The following KIDINS220 variants were observed in gnomAD, a reference collection of about 807,000 sequenced individuals.
KIDINS220 encodes the protein kinase D interacting substrate 220, also known as kinase D-interacting substrate of 220 kDa.
KIDINS220 carries 63 observed loss-of-function variants against 157.6 expected under a neutral mutation model. The observed-to-expected ratio is 0.40, with a 90% confidence interval of 0.33 to 0.49. The LOEUF (loss-of-function observed/expected upper bound fraction) is 0.49, where lower values mean the gene tolerates loss of function less well. Ranked by LOEUF, KIDINS220 falls within the 20% of genes least tolerant of loss-of-function variation. KIDINS220 has a pLI of 0.66. For missense variants in KIDINS220, 1,772 were observed against 2,171.2 expected, an observed-to-expected ratio of 0.82 and a Z score of 3.65; for synonymous variants, 732 against 783.6, an observed-to-expected ratio of 0.93 and a Z score of 1.10.
intron 22 of KIDINS220, 72 bp downstream of exon 22, chr2:8,770,598 T>G (rs1054908422): frequency 1.2e-6 from 1 of 826,178 alleles, no homozygotes; most frequent in East Asian, 2.5e-5. Context: ...ATTGTCTGCT[T>G]TATACGCGTT....
intron 22 of KIDINS220, among the ~76,000 whole-genome samples, chr2:8,763,079 A>T (rs1668990936): frequency 6.6e-6 from 1 of 152,216 alleles, no homozygotes. Context: ...TATTCTAAAT[A>T]CTCATAGATA....
At chr2:8,807,651 T>C (rs2148350948) in intron 6 of KIDINS220, among the ~76,000 whole-genome samples, 1 of 152,286 alleles carries the variant, frequency 6.6e-6, no homozygotes, top group South Asian at 2.1e-4. Context: ...AACCACACTG[T>C]TGAGGGCTGG....
intron 2 of KIDINS220, among the ~76,000 whole-genome samples, chr2:8,821,879 T>G (rs539057181): frequency 6.6e-6 from 1 of 152,206 alleles, no homozygotes; most frequent in Non-Finnish European, 1.5e-5. Flanking sequence ...GTTGTAGAGA[T>G]AGAGTAACTT....
chr2:8,768,040 G>A (rs1196168865), intron 22 of KIDINS220, among the ~76,000 whole-genome samples: 2 of 152,092 alleles, frequency 1.3e-5, no homozygotes, highest in Admixed American at 6.5e-5. Flanking sequence ...AAGATTGACT[G>A]AGCAGTGTCA....
intron 6 of KIDINS220, among the ~76,000 whole-genome samples, chr2:8,811,874 C>T (rs964717392): frequency 2.6e-5 from 4 of 151,870 alleles, no homozygotes; most frequent in East Asian, 1.9e-4. Flanking sequence ...GAGGAAGAGG[C>T]GGGCACACTG....
At chr2:8,803,220 C>T (rs1383096781) in intron 7 of KIDINS220, 93 bp from the exon 8 acceptor site, 3 of 1,095,462 alleles carry the variant, frequency 2.7e-6, no homozygotes, top group Non-Finnish European at 2.5e-6. Context: ...AATCATAAAA[C>T]TAATGTTTTC....
intron 16 of KIDINS220, 77 bp from the exon 17 acceptor site, chr2:8,786,107 G>A (rs1672362653): frequency 1.3e-6 from 2 of 1,555,062 alleles, no homozygotes; most frequent in Non-Finnish European, 1.8e-6. Flanking sequence ...CACAATACCT[G>A]ATGAGTCTAA....
chr2:8,751,391 G>C, intron 23 of KIDINS220, 75 bp downstream of exon 23: 2 of 1,276,476 alleles, frequency 1.6e-6, no homozygotes. Flanking sequence ...CAGGAGAAAT[G>C]TACACAAATA....
Position 8,729,524 on chromosome 2 carries a change from T to A in KIDINS220, c.*1196A>T. Reference sequence around the variant, plus strand: ...TCCACACAGTACTTCAATGTGACCATTCTCTTAACTCGGCTAATAATTAAT... The same window carrying A: ...TCCACACAGTACTTCAATGTGACCAATCTCTTAACTCGGCTAATAATTAAT... On this transcript the variant is annotated 3_prime_UTR_variant, in exon 30 of 30. Transcript: ENST00000256707. 1 of 983,358 alleles carries A rather than the reference T, an allele frequency of 1.0e-6. No individual in the cohort carries two copies. Among genetic ancestry groups the A allele is most frequent in the Non-Finnish European group, 1.2e-6 (1 of 827,992 alleles). The allele number at this position is 983,358 out of a possible 1,614,324, so 60.9% of individuals were successfully genotyped here.
intron 20 of KIDINS220, 102 bp from the exon 21 acceptor site, chr2:8,776,994 A>G (rs1325258063): frequency 2.3e-6 from 3 of 1,282,962 alleles, no homozygotes; most frequent in African/African-American, 3.0e-5. Context: ...AAAAAAATCC[A>G]AAGTTTTAGT....
downstream of KIDINS220, chr2:8,725,160 T>G (rs1379616412): frequency 6.6e-6 from 1 of 152,190 alleles, no homozygotes; most frequent in Non-Finnish European, 1.5e-5. Flanking sequence ...AAAATATAAA[T>G]TAACTTCTTT....
At chr2:8,785,273 T>C (rs182148661) in intron 17 of KIDINS220, among the ~76,000 whole-genome samples, 6 of 151,982 alleles carry the variant, frequency 3.9e-5, no homozygotes, top group Admixed American at 3.9e-4. Flanking sequence ...GGTGAACAGG[T>C]GTGAAGAGGT....
chr2:8,759,274 G>A (rs888694019), intron 22 of KIDINS220, among the ~76,000 whole-genome samples: 2 of 152,076 alleles, frequency 1.3e-5, no homozygotes, highest in Non-Finnish European at 2.9e-5. Flanking sequence ...GGGTTAAATA[G>A]TGCAAACCAT....
chr2:8,780,302 T>G (rs1323356175), intron 17 of KIDINS220, among the ~76,000 whole-genome samples: 1 of 152,216 alleles, frequency 6.6e-6, no homozygotes, highest in Non-Finnish European at 1.5e-5. Flanking sequence ...TATTAGACAG[T>G]AGTTGCTAAC....
chr2:8,747,539 C>T (rs1666757411), intron 25 of KIDINS220: 2 of 416,182 alleles, frequency 4.8e-6, no homozygotes, highest in Non-Finnish European at 8.7e-6. Flanking sequence ...CTAATATTTA[C>T]ATACTATAAA....
chr2:8,774,679 G>A (rs1355025567), intron 21 of KIDINS220, among the ~76,000 whole-genome samples: 2 of 152,202 alleles, frequency 1.3e-5, no homozygotes, highest in African/African-American at 4.8e-5. Flanking sequence ...TCAAGGAACA[G>A]CAAAGAAGTC....
chr2:8,753,262 T>C (rs1667596838), intron 22 of KIDINS220, among the ~76,000 whole-genome samples: 1 of 152,100 alleles, frequency 6.6e-6, no homozygotes, highest in African/African-American at 2.4e-5. Flanking sequence ...AGAACATGGA[T>C]GAATCTCTCA....
intron 26 of KIDINS220, chr2:8,746,857 C>A (rs1165071363): frequency 2.8e-5 from 10 of 362,128 alleles, no homozygotes; most frequent in Admixed American, 4.3e-5. Context: ...CAACGGAACA[C>A]CCCTGACAGC....
chr2:8,827,388 A>G (rs1009985532), intron 1 of KIDINS220, among the ~76,000 whole-genome samples: 11 of 152,022 alleles, frequency 7.2e-5, no homozygotes, highest in African/African-American at 2.7e-4. Flanking sequence ...CACCACTCCA[A>G]AATGCTCCCC....
Sources: gnomAD v4.1 joint callset for allele counts (sites outside exome capture counted in the v4.1 genomes callset) on GRCh38, gnomAD v4.1.1 for gene constraint, MANE v1.5 for transcripts, NCBI Gene and HGNC (gene_info 2026-07-23, HGNC 2026-07-21) for gene names.